Variants in CACTIN observed in about 807,000 individuals in gnomAD.
The protein encoded by CACTIN is splicing factor Cactin.
A neutral mutation model predicts 84.9 loss-of-function variants in CACTIN; 20 were observed. The observed-to-expected ratio is 0.24, with a 90% CI of 0.17 to 0.34. The LOEUF (loss-of-function observed/expected upper bound fraction) is 0.34, where lower values mean the gene tolerates loss of function less well. Among genes scored for constraint, CACTIN ranks in the 10% least tolerant of loss-of-function variants. The probability of loss-of-function intolerance (pLI) is 1.00; values close to 1 mark genes in which losing one functional copy is unlikely to be tolerated. For missense variants in CACTIN, 897 were observed against 1,117.2 expected (o/e 0.80, Z 2.81); for synonymous variants, 549 against 467.9 (o/e 1.17, Z -2.24).
chr19:3,612,268 G>C lies in CACTIN; in HGVS notation c.1932C>G (p.Arg644=), dbSNP rs768994445. The C allele has an allele frequency of 2.2e-5, 36 of 1,613,020 alleles. No homozygotes were observed. Among genetic ancestry groups the C allele is most frequent in the Non-Finnish European group, 2.8e-5 (33 of 1,179,912 alleles). The change falls in exon 10 of 10, where the codon CGC becomes CGG. Residue 644 remains arginine, a synonymous_variant. Transcript: ENST00000429344. The stretch of plus-strand genomic sequence containing the variant: ...AGCCCGTGTGCACGCGGTTGAAGAA[G>C]CGCGGCTTGCGTGGCCGGTACTTGT... ...WADKYRPRKP[R]FFNRVHTGFE...
chr19:3,626,556 A>G (rs756789568), intron 1 of CACTIN, 40 bp downstream of exon 1: 1 of 1,359,502 alleles, frequency 7.4e-7, no homozygotes, highest in Admixed American at 3.3e-5. Context: ...CTCCTGAGGT[A>G]GGAGCCGGAT....
At chr19:3,616,592 A>C (rs544600236) in intron 6 of CACTIN, 1 of 152,214 alleles carries the variant, frequency 6.6e-6, no homozygotes, top group Admixed American at 6.5e-5. Flanking sequence ...CTGGCAAGAG[A>C]GCAAGACACC....
intron 6 of CACTIN, among the ~76,000 whole-genome samples, chr19:3,618,177 C>CCG (rs56057264): frequency 0.01 from 1,109 of 107,660 alleles, 86 homozygotes; most frequent in East Asian, 0.021. Context: ...GCTTTTAGAC[C>CCG]GGGGGGGGGG....
chr19:3,614,647 C>A (rs189282144), intron 6 of CACTIN, 58 bp from the exon 7 acceptor site: 3 of 1,402,408 alleles, frequency 2.1e-6, no homozygotes, highest in Non-Finnish European at 2.9e-6. Context: ...GCTCCTCCAC[C>A]CCATCAGGGC....
rs1475550403 is a variant in CACTIN at position 3,612,084 on chromosome 19, C to T, written c.2116G>A (p.Ala706Thr). The change falls in exon 10 of 10, where the codon GCC (alanine) becomes ACC (threonine). Residue 706 changes from alanine to threonine, a missense_variant. This residue lies in a region of CACTIN where 50 missense variants were observed against 51.6 expected (regional missense o/e 0.97). Coordinates refer to ENST00000429344, the MANE Select transcript of CACTIN (RefSeq NM_001080543.2). ...LEACADNKDFAILRFHAGPPY... is the reference protein window; with the variant it reads ...LEACADNKDFTILRFHAGPPY... ...GGCCCCGCGTGGAAGCGCAGGATGG[C>T]GAAATCCTTGTTGTCGGCGCAGGCC... 2 of 1,613,836 alleles carry T rather than the reference C, an allele frequency of 1.2e-6. No individual in the cohort carries two copies. Among genetic ancestry groups the T allele is most frequent in the East Asian group, 2.2e-5 (1 of 44,886 alleles).
At position 3,626,719 on chromosome 19, in the gene CACTIN, CG is replaced by C; in HGVS notation, c.43del (p.Arg15GlyfsTer120). The C allele has an allele frequency of 6.7e-7, 1 of 1,495,870 alleles. No individual in the cohort carries two copies. The highest frequency in any genetic ancestry group is 8.9e-7 in the Non-Finnish European group (1 of 1,129,134). The allele number at this position is 1,495,870 out of a possible 1,614,324, so 92.7% of individuals were successfully genotyped here. Reference protein sequence around the residue: ...TRSRSRSAGRRGRRRQSQSGS... With the variant: ...TRSRSRSAGRXGRRRQSQSGS... Reference sequence around the variant, plus strand: ...GCTCTGACTCTGCCGCCTTCGGCCCCGGCGACCCGCGGACCGCGAGCGCGAG... The same window carrying C: ...GCTCTGACTCTGCCGCCTTCGGCCCCGCGACCCGCGGACCGCGAGCGCGAG... On this transcript the variant is annotated frameshift_variant, in exon 1 of 10. Coordinates refer to ENST00000429344, the MANE Select transcript of CACTIN (RefSeq NM_001080543.2). LOFTEE classifies it high-confidence loss of function.
intron 1 of CACTIN, among the ~76,000 whole-genome samples, chr19:3,625,002 C>T (rs1253942295): frequency 2.0e-5 from 3 of 152,064 alleles, no homozygotes; most frequent in Non-Finnish European, 4.4e-5. Context: ...GCCATCCTCT[C>T]GCCTCAGCCT....
chr19:3,614,423 C>G lies in CACTIN; in HGVS notation c.1329G>C (p.Gln443His). ...DMGYWESLLQ[Q>H]LRAHMARARL... ...GGGCCCGTGCCATGTGGGCACGAAGCTGCTGCAGGAGGCTCTCCCAGTAGC... is the reference window on the plus strand; with the variant it reads ...GGGCCCGTGCCATGTGGGCACGAAGGTGCTGCAGGAGGCTCTCCCAGTAGC... Residue 443 changes from glutamine to histidine, a missense_variant, in exon 7 of 10, where the codon CAG becomes CAC. Coordinates refer to ENST00000429344, the MANE Select transcript of CACTIN (RefSeq NM_001080543.2). The G allele has an allele frequency of 6.3e-7, 1 of 1,588,692 alleles. No homozygotes were observed. The highest frequency in any genetic ancestry group is 8.6e-7 in the Non-Finnish European group (1 of 1,167,736).
Position 3,626,585 on chromosome 19 carries a change from A to T in CACTIN, c.167+11T>A. The T allele has an allele frequency of 7.0e-7, 1 of 1,436,116 alleles. No homozygotes were observed. Among genetic ancestry groups the T allele is most frequent in the South Asian group, 1.4e-5 (1 of 70,176 alleles). The allele number at this position is 1,436,116 out of a possible 1,614,324, so 89.0% of individuals were successfully genotyped here. On this transcript the variant is annotated intron_variant, in intron 1 of 9. Transcript: ENST00000429344. ...GCCGGATCCCCAGCGCTGCTCCCGC[A>T]GCGACCCCACCTGCGCTCCCGGCTC...
chr19:3,612,934 G>A (rs2145313243), intron 9 of CACTIN, 124 bp downstream of exon 9: 1 of 1,186,242 alleles, frequency 8.4e-7, no homozygotes, highest in Non-Finnish European at 1.2e-6. Context: ...CAGAGACCCG[G>A]GGGAGAAGCA....
Position 3,615,028 on chromosome 19 carries a change from C to A in CACTIN, c.1163-439G>T. 1 of 257,544 alleles carries A rather than the reference C, an allele frequency of 3.9e-6. No individual in the cohort carries two copies. Among genetic ancestry groups the A allele is most frequent in the Non-Finnish European group, 7.7e-6 (1 of 130,614 alleles). 16.0% of individuals were successfully genotyped at this position (257,544 alleles called of 1,614,324 possible). ...TAGCCAGGCTCTCTGGAATTCAGAT[C>A]TTCTCTGCCAGCCTGGGCTGTGTGA... On this transcript the variant is annotated intron_variant, in intron 6 of 9. Transcript: ENST00000429344. The surrounding 1 kb of genome is among the most constrained non-coding windows in gnomAD (Gnocchi z 5.2).
intron 2 of CACTIN, among the ~76,000 whole-genome samples, chr19:3,622,703 G>A (rs984888059): frequency 6.6e-6 from 1 of 152,236 alleles, no homozygotes; most frequent in Non-Finnish European, 1.5e-5. Context: ...TGGACTTCTG[G>A]ACTCCAGAAC....
intron 7 of CACTIN, 123 bp downstream of exon 7, chr19:3,614,274 T>C (rs2033054013): frequency 1.9e-6 from 2 of 1,032,846 alleles, no homozygotes; most frequent in Admixed American, 4.1e-5. Flanking sequence ...GGCACTTTCC[T>C]GCCCCTCTCC....
At chr19:3,616,389 T>A (rs1455585022) in intron 6 of CACTIN, 1 of 152,094 alleles carries the variant, frequency 6.6e-6, no homozygotes, top group Admixed American at 6.6e-5. Context: ...GGTGGGTGGA[T>A]CACGAGGTCA....
rs2032981861 is a variant in CACTIN at position 3,612,403 on chromosome 19, G to A, written c.1797C>T (p.Ser599=). ...GGAAGAAGATGTCCTCGGCGCTCTC[G>A]CTGGCGTCTCCTGCGGGCGGGACGG... ...RQQLQVTGDA[S]ESAEDIFFRR... is the part of the protein sequence containing the mutation. Residue 599 remains serine (S), a synonymous_variant, in exon 10 of 10, where the codon AGC becomes AGT. Coordinates refer to ENST00000429344, the MANE Select transcript of CACTIN (RefSeq NM_001080543.2). 1 of 1,594,176 alleles carries A rather than the reference G, an allele frequency of 6.3e-7. No individual in the cohort carries two copies.
Position 3,611,920 on chromosome 19 carries a change from C to G in CACTIN, c.*3G>C. On this transcript the variant is annotated 3_prime_UTR_variant, in exon 10 of 10. Coordinates refer to ENST00000429344, the MANE Select transcript of CACTIN (RefSeq NM_001080543.2). ...GACACCTGCCTGCCGTTCCCCAGGG[C>G]CGTCACCGCCGATAGCGGTAGCGCT... 1 of 1,612,272 alleles carries G rather than the reference C, an allele frequency of 6.2e-7. No individual in the cohort carries two copies. The highest frequency in any genetic ancestry group is 8.5e-7 in the Non-Finnish European group (1 of 1,179,536).
intron 3 of CACTIN, 120 bp from the exon 4 acceptor site, chr19:3,620,392 C>T (rs548440818): frequency 1.4e-4 from 162 of 1,158,226 alleles, no homozygotes; most frequent in South Asian, 9.5e-4. Context: ...GGGATTGGTC[C>T]GGAGATGCCT....
chr19:3,620,951 A>G (rs752442491), intron 2 of CACTIN, 149 bp from the exon 3 acceptor site: 2 of 707,646 alleles, frequency 2.8e-6, no homozygotes, highest in South Asian at 1.5e-5. Flanking sequence ...CCTCCTTAAC[A>G]CTCCTGAAAC....
At chr19:3,618,178 G>GGC in intron 6 of CACTIN, among the ~76,000 whole-genome samples, 1 of 8,282 alleles carries the variant, frequency 1.2e-4, no homozygotes, top group East Asian at 5.3e-3. Flanking sequence ...CTTTTAGACC[G>GGC]GGGGGGGGGG....
Sources: allele counts gnomAD v4.1 joint callset (sites outside exome capture counted in the v4.1 genomes callset), GRCh38; gene constraint gnomAD v4.1.1; regional missense constraint gnomAD v4.1.1; non-coding constraint Gnocchi (gnomAD v3.1); transcripts MANE v1.5; gene names NCBI Gene and HGNC (gene_info 2026-07-23, HGNC 2026-07-21).